The following FBXW7 variants were observed in gnomAD, a reference collection of about 807,000 sequenced individuals.
FBXW7 encodes the protein F-box/WD repeat-containing protein 7.
A neutral mutation model predicts 86.3 loss-of-function variants in FBXW7; 11 were observed. That is an observed-to-expected ratio of 0.13 (90% CI 0.08 to 0.21). The LOEUF (loss-of-function observed/expected upper bound fraction) is 0.21, where lower values mean the gene tolerates loss of function less well. Ranked by LOEUF, FBXW7 falls within the 10% of genes least tolerant of loss-of-function variation. The pLI is 1.00. For synonymous variants in FBXW7, 313 were observed against 297.9 expected (o/e 1.05, Z -0.52); for missense variants, 488 against 847.4 (o/e 0.58, Z 5.27).
At chr4:152,465,400 T>C (rs1385745592) in intron 2 of FBXW7, among the ~76,000 whole-genome samples, 2 of 152,202 alleles carry the variant, frequency 1.3e-5, no homozygotes, top group Non-Finnish European at 2.9e-5. Context: ...ATATAAACAA[T>C]TGGAGGTAGC....
chr4:152,375,129 G>A (rs146763534), intron 4 of FBXW7, among the ~76,000 whole-genome samples: 16 of 152,010 alleles, frequency 1.1e-4, no homozygotes, highest in African/African-American at 3.9e-4. Flanking sequence ...AAATGACAAA[G>A]CTATGACAGA....
At chr4:152,377,206 A>G (rs748394962) in intron 4 of FBXW7, among the ~76,000 whole-genome samples, 86 of 152,340 alleles carry the variant, frequency 5.6e-4, no homozygotes, top group Non-Finnish European at 1.0e-3. Context: ...ATTAAATACC[A>G]GCGTTCCGAA....
intron 2 of FBXW7, among the ~76,000 whole-genome samples, chr4:152,423,499 C>T (rs1052554412): frequency 6.6e-6 from 1 of 151,974 alleles, no homozygotes; most frequent in African/African-American, 2.4e-5. Context: ...TACACATTTT[C>T]CCAAATAATA....
intron 2 of FBXW7, among the ~76,000 whole-genome samples, chr4:152,493,221 GTGGCGCAATCT>G (rs1274487314): frequency 6.6e-6 from 1 of 151,966 alleles, no homozygotes; most frequent in African/African-American, 2.4e-5. Flanking sequence ...CTGGAGTGCA[GTGGCGCAATCT>G]TGGCTCACTG....
chr4:152,497,247 C>T (rs746222922), intron 2 of FBXW7, among the ~76,000 whole-genome samples: 3 of 141,570 alleles, frequency 2.1e-5, no homozygotes, highest in African/African-American at 5.3e-5. Flanking sequence ...CACTTGAACC[C>T]GGGAGGCAGA....
chr4:152,522,461 A>G (rs1322558149), intron 2 of FBXW7, among the ~76,000 whole-genome samples: 2 of 152,196 alleles, frequency 1.3e-5, no homozygotes, highest in East Asian at 3.8e-4. Flanking sequence ...ATCAATAATC[A>G]GCATGTATAC....
intron 4 of FBXW7, chr4:152,382,196 C>A: frequency 6.5e-7 from 1 of 1,548,480 alleles, no homozygotes; most frequent in Non-Finnish European, 8.7e-7. Flanking sequence ...TACCCGTCTT[C>A]GACAAAAAGG....
intron 2 of FBXW7, among the ~76,000 whole-genome samples, chr4:152,438,350 G>A (rs1740577268): frequency 6.6e-6 from 1 of 152,012 alleles, no homozygotes; most frequent in Non-Finnish European, 1.5e-5. Context: ...TAGTGGTCTA[G>A]AACCAAATCC....
chr4:152,338,010 C>CCGAG, intron 6 of FBXW7, 74 bp from the exon 7 acceptor site: 8 of 1,426,980 alleles, frequency 5.6e-6, no homozygotes, highest in Admixed American at 4.3e-5. Context: ...GGAAAACTCA[C>CCGAG]ATCTACACAC....
At chr4:152,493,209 G>A (rs146533312) in intron 2 of FBXW7, among the ~76,000 whole-genome samples, 2,090 of 151,922 alleles carry the variant, frequency 0.014, 26 homozygotes, top group Middle Eastern at 0.037. Context: ...TTGTTGCCCA[G>A]GCTGGAGTGC....
At chr4:152,395,189 T>C (rs1315652249) in intron 4 of FBXW7, among the ~76,000 whole-genome samples, 1 of 152,058 alleles carries the variant, frequency 6.6e-6, no homozygotes, top group East Asian at 1.9e-4. Flanking sequence ...TGAGAACTTA[T>C]TAAAAATGCA....
chr4:152,385,920 C>T (rs1173304935), intron 4 of FBXW7, among the ~76,000 whole-genome samples: 1 of 151,904 alleles, frequency 6.6e-6, no homozygotes, highest in African/African-American at 2.4e-5. Context: ...ATATATACTA[C>T]AAGTTTCATT....
intron 4 of FBXW7, among the ~76,000 whole-genome samples, chr4:152,356,382 T>C (rs1287816222): frequency 6.6e-6 from 1 of 150,904 alleles, no homozygotes; most frequent in Non-Finnish European, 1.5e-5. Context: ...AGTTTATAAT[T>C]AGTGGAAAAT....
At chr4:152,418,610 AAGG>A in intron 2 of FBXW7, among the ~76,000 whole-genome samples, 1 of 152,312 alleles carries the variant, frequency 6.6e-6, no homozygotes, top group Middle Eastern at 3.4e-3. Flanking sequence ...CTTGAGAAAA[AAGG>A]AAAAAGATCT....
chr4:152,412,744 G>A (rs1417011715), intron 2 of FBXW7: 2 of 152,134 alleles, frequency 1.3e-5, no homozygotes, highest in Admixed American at 6.5e-5. Flanking sequence ...AATATATTAT[G>A]CTAAGGGGAA....
chr4:152,415,088 T>C lies in FBXW7; in HGVS notation c.-119-2559A>G, dbSNP rs144379103. Reference sequence around the variant, plus strand: ...TCAAAACCATTTGAAATGCTTATTCTAGGAATGCTTAGAGGAATAAAAGTG... The same window carrying C: ...TCAAAACCATTTGAAATGCTTATTCCAGGAATGCTTAGAGGAATAAAAGTG... On this transcript the variant is annotated intron_variant, in intron 2 of 13. Coordinates refer to ENST00000281708, the MANE Select transcript of FBXW7 (RefSeq NM_001349798.2). 1.5e-3 allele frequency among the ~76,000 whole-genome samples: 222 copies of C among 152,250 alleles called. 1 individual carries two copies. Among genetic ancestry groups the C allele is most frequent in the African/African-American group, 5.1e-3 (213 of 41,566 alleles).
At chr4:152,352,808 C>A (rs2126665835) in intron 4 of FBXW7, 2 of 1,570,634 alleles carry the variant, frequency 1.3e-6, no homozygotes, top group Non-Finnish European at 8.6e-7. Flanking sequence ...GGAGACTATG[C>A]CCTGTCAAAG....
intron 2 of FBXW7, among the ~76,000 whole-genome samples, chr4:152,511,175 A>G (rs1747927511): frequency 6.6e-6 from 1 of 151,862 alleles, no homozygotes; most frequent in Non-Finnish European, 1.5e-5. Context: ...TTTTTCTCCA[A>G]AAAGTTGGCG....
At chr4:152,340,893 A>G (rs1258573705) in intron 6 of FBXW7, among the ~76,000 whole-genome samples, 2 of 152,162 alleles carry the variant, frequency 1.3e-5, no homozygotes, top group African/African-American at 4.8e-5. Flanking sequence ...CAGTAAAATA[A>G]ACTCTATTTT....
Sources: allele counts gnomAD v4.1 joint callset (sites outside exome capture counted in the v4.1 genomes callset), GRCh38; gene constraint gnomAD v4.1.1; transcripts MANE v1.5; gene names NCBI Gene and HGNC (gene_info 2026-07-23, HGNC 2026-07-21).